MCUB: variants seen among roughly 807,000 people sequenced by gnomAD.
MCUB encodes the protein mitochondrial calcium uniporter dominant negative subunit beta, also known as calcium uniporter regulatory subunit MCUb, mitochondrial.
In MCUB, 46 loss-of-function variants were observed where a neutral mutation model predicts 41.4. The observed-to-expected ratio is 1.11, with a 90% CI of 0.88 to 1.42. MCUB has a LOEUF of 1.42. MCUB is among the 40% of genes most tolerant of loss of function. MCUB has a pLI of 0.00. For missense variants in MCUB, 403 were observed against 404.9 expected (o/e 1.00, Z 0.04); for synonymous variants, 148 against 148.2 (o/e 1.00, Z 0.01).
At chr4:109,603,997 T>C (rs1208922563) in intron 1 of MCUB, among the ~76,000 whole-genome samples, 1 of 152,176 alleles carries the variant, frequency 6.6e-6, no homozygotes, top group Non-Finnish European at 1.5e-5. Context: ...TGTGTCTGTG[T>C]AGAAAGAAGT....
intron 1 of MCUB, among the ~76,000 whole-genome samples, chr4:109,625,294 C>G (rs1253902850): frequency 6.6e-6 from 1 of 152,184 alleles, no homozygotes; most frequent in Non-Finnish European, 1.5e-5. Flanking sequence ...GACCCTGTTG[C>G]AGTAGCATCC....
In MCUB at chr4:109,678,282, C is replaced by T. The variant is rs191249224; in HGVS notation, c.452-4300C>T. 2.8e-4 allele frequency among the ~76,000 whole-genome samples: 43 copies of T among 152,162 alleles called. No homozygotes were observed. In the East Asian group the frequency reaches 3.5e-3, roughly 12 times the overall value. ...TCCCCACATTTCCCCCTTTTCTATT[C>T]GACAAAACCGCCATCATCATCATGG... On this transcript the variant is annotated intron_variant, in intron 4 of 7. Transcript: ENST00000394650.
chr4:109,618,997 A>T (rs62326055), intron 1 of MCUB, among the ~76,000 whole-genome samples: 4 of 122,770 alleles, frequency 3.3e-5, no homozygotes, highest in Admixed American at 1.6e-4. Flanking sequence ...TCTACCTACC[A>T]ACCTACCTAC....
chr4:109,591,558 G>A (rs753108897), intron 1 of MCUB, among the ~76,000 whole-genome samples: 44 of 152,126 alleles, frequency 2.9e-4, no homozygotes, highest in Middle Eastern at 3.2e-3. Flanking sequence ...TCTTTCAGTA[G>A]ACTTGGGGGA....
At chr4:109,566,239 G>A (rs1032209696) in intron 1 of MCUB, among the ~76,000 whole-genome samples, 1 of 151,428 alleles carries the variant, frequency 6.6e-6, no homozygotes, top group African/African-American at 2.4e-5. Flanking sequence ...GGAGGCCAAG[G>A]TGGGCAGATC....
chr4:109,601,985 GT>G, intron 1 of MCUB, among the ~76,000 whole-genome samples: 1 of 152,282 alleles, frequency 6.6e-6, no homozygotes, highest in Non-Finnish European at 1.5e-5. Context: ...GATGATTGAT[GT>G]TGATGGACAT....
At chr4:109,589,845 C>T (rs567873958) in intron 1 of MCUB, among the ~76,000 whole-genome samples, 22 of 152,322 alleles carry the variant, frequency 1.4e-4, no homozygotes, top group Admixed American at 3.9e-4. Flanking sequence ...TTTTGTCCGT[C>T]TGCCTGACCA....
chr4:109,566,350 G>A (rs1241291773), intron 1 of MCUB, among the ~76,000 whole-genome samples: 3 of 151,194 alleles, frequency 2.0e-5, no homozygotes, highest in South Asian at 2.1e-4. Context: ...GGCGCCTGTA[G>A]TCCCAGCTAC....
chr4:109,622,222 A>C (rs1728264190), intron 1 of MCUB, among the ~76,000 whole-genome samples: 1 of 152,220 alleles, frequency 6.6e-6, no homozygotes, highest in South Asian at 2.1e-4. Context: ...CTGAATTATA[A>C]AAGGACAACA....
chr4:109,566,470 A>G (rs1025356096), intron 1 of MCUB, among the ~76,000 whole-genome samples: 9 of 91,948 alleles, frequency 9.8e-5, no homozygotes, highest in African/African-American at 4.5e-4. Flanking sequence ...ACTCTGTCTC[A>G]AAAAAAAAAA....
At chr4:109,664,597 T>G (rs924894302) in intron 4 of MCUB, among the ~76,000 whole-genome samples, 1 of 152,068 alleles carries the variant, frequency 6.6e-6, no homozygotes, top group African/African-American at 2.4e-5. Context: ...GCTAATTTTT[T>G]AACATTTTTT....
rs577695498 is a variant in MCUB, at chr4:109,660,321, A to C, written c.302A>C (p.Gln101Pro). ...STVGSFLQDL[Q>P]NEDKGIKTAA... Reference sequence around the variant, plus strand: ...GTTGGTTCATTCCTTCAGGACCTACAAAATGAAGATAAGGGTATCAAAACT... The same window carrying C: ...GTTGGTTCATTCCTTCAGGACCTACCAAATGAAGATAAGGGTATCAAAACT... Residue 101 changes from glutamine (Q) to proline (P), a missense_variant, in exon 3 of 8, where the codon CAA (glutamine) becomes CCA (proline). Coordinates refer to ENST00000394650, the MANE Select transcript of MCUB (RefSeq NM_017918.5). 5 of 1,609,156 alleles carry C rather than the reference A, an allele frequency of 3.1e-6. No homozygotes were observed. In the African/African-American group the frequency reaches 6.7e-5, roughly 21 times the overall value.
intron 1 of MCUB, among the ~76,000 whole-genome samples, chr4:109,589,535 C>T (rs553368962): frequency 2.0e-5 from 3 of 152,258 alleles, no homozygotes; most frequent in South Asian, 2.1e-4. Context: ...AAATAACATT[C>T]GTTTTACTTG....
intron 1 of MCUB, among the ~76,000 whole-genome samples, chr4:109,638,988 AC>A (rs1728655346): frequency 6.6e-6 from 1 of 152,070 alleles, no homozygotes; most frequent in South Asian, 2.1e-4. Context: ...TGAAGTCTTG[AC>A]CCCCTCAAAG....
At chr4:109,597,128 ACTT>A (rs1292284749) in intron 1 of MCUB, among the ~76,000 whole-genome samples, 1 of 150,458 alleles carries the variant, frequency 6.6e-6, no homozygotes, top group Non-Finnish European at 1.5e-5. Context: ...TCCCATGTCT[ACTT>A]CTTTCTACAC....
At position 109,660,219 on chromosome 4, in the gene MCUB, G is replaced by T. The variant is rs1302658595; in HGVS notation, c.200G>T (p.Gly67Val). ...GAAATAACAGTTATTTATAGACATG[G>T]CCTTCCCTTGGTAACACTTACCTTG... ...PDEITVIYRH[G>V]LPLVTLTLPS... The change falls in exon 3 of 8, where the codon GGC becomes GTC. Residue 67 changes from glycine (G) to valine (V), a missense_variant. Coordinates refer to ENST00000394650, the MANE Select transcript of MCUB (RefSeq NM_017918.5). 1.3e-6 allele frequency: 2 copies of T among 1,576,542 alleles called. No homozygotes were observed. Among genetic ancestry groups the T allele is most frequent in the Admixed American group, 1.7e-5 (1 of 57,888 alleles).
At chr4:109,599,493 G>C (rs1379620624) in intron 1 of MCUB, among the ~76,000 whole-genome samples, 2 of 152,082 alleles carry the variant, frequency 1.3e-5, no homozygotes, top group Non-Finnish European at 1.5e-5. Context: ...GTTGAGGGAA[G>C]TCTGTCTAGA....
intron 1 of MCUB, among the ~76,000 whole-genome samples, chr4:109,612,440 T>A (rs1471148162): frequency 1.3e-5 from 2 of 151,938 alleles, no homozygotes; most frequent in African/African-American, 4.8e-5. Flanking sequence ...CTAAATTTTG[T>A]ATTTTAGTAG....
intron 1 of MCUB, among the ~76,000 whole-genome samples, chr4:109,565,312 C>T (rs955284172): frequency 5.3e-5 from 8 of 152,212 alleles, no homozygotes; most frequent in Admixed American, 1.3e-4. Context: ...ACTGGCTATA[C>T]GCTTCACTGT....
Sources: allele counts gnomAD v4.1 joint callset (sites outside exome capture counted in the v4.1 genomes callset), GRCh38; gene constraint gnomAD v4.1.1; transcripts MANE v1.5; gene names NCBI Gene and HGNC (gene_info 2026-07-23, HGNC 2026-07-21).